Variants in DOCK8 observed in about 807,000 individuals in gnomAD.
The protein encoded by DOCK8 is dedicator of cytokinesis 8.
A neutral mutation model predicts 245.6 loss-of-function variants in DOCK8; 141 were observed. That is an observed-to-expected ratio of 0.57 (90% CI 0.50 to 0.66). The LOEUF is 0.66. Among genes scored for constraint, DOCK8 ranks in the 30% least tolerant of loss-of-function variants. DOCK8 has a pLI of 0.00. For synonymous variants in DOCK8, 1,168 were observed against 970.2 expected, an observed-to-expected ratio of 1.20 and a Z score of -3.79; for missense variants, 2,965 against 2,603.4, an observed-to-expected ratio of 1.14 and a Z score of -3.02.
At chr9:461,284 C>T (rs1218691125) in intron 46 of DOCK8, among the ~76,000 whole-genome samples, 1 of 152,082 alleles carries the variant, frequency 6.6e-6, no homozygotes, top group Non-Finnish European at 1.5e-5. Flanking sequence ...AGAAAATTAC[C>T]AGCTGTTATC....
chr9:212,722 A>G (rs1233002412), upstream of DOCK8: 1 of 152,238 alleles, frequency 6.6e-6, no homozygotes, highest in Non-Finnish European at 1.5e-5. Flanking sequence ...GGTACCAAAT[A>G]CTAAATCTAT....
chr9:426,181 T>C (rs1449133702), intron 33 of DOCK8, among the ~76,000 whole-genome samples: 2 of 152,154 alleles, frequency 1.3e-5, no homozygotes, highest in African/African-American at 2.4e-5. Context: ...AAAAAAACCA[T>C]TCTGATTCCT....
rs1564010005 is a variant in DOCK8 at position 399,269 on chromosome 9, C to CT, written c.3234+10_3234+11insT. 7.5e-7 allele frequency: 1 copy of CT among 1,336,928 alleles called. No homozygotes were observed. The highest frequency in any genetic ancestry group is 1.9e-5 in the Admixed American group (1 of 51,936). The allele number at this position is 1,336,928 out of a possible 1,614,324, so 82.8% of individuals were successfully genotyped here. A position where few individuals can be genotyped will look rare whatever the true frequency, so the allele number is the denominator to read the frequency against. On this transcript the variant is annotated intron_variant, in intron 26 of 47. Coordinates refer to ENST00000432829, the MANE Select transcript of DOCK8 (RefSeq NM_203447.4). ...ACATTATTGCAGCCAGGTGAGTGTC[C>CT]CCCCCACCCCCACCCCCGAGCGAGC...
intron 28 of DOCK8, among the ~76,000 whole-genome samples, chr9:411,787 C>T (rs1161795971): frequency 6.6e-6 from 1 of 152,136 alleles, no homozygotes. Flanking sequence ...GGCTGCATAC[C>T]TGAAAATCAA....
In DOCK8 at chr9:432,217, G is replaced by A; in HGVS notation, c.4678G>A (p.Gly1560Arg). ...AACCATGTCCCTGGCATCTTTGGTG[G>A]GAAGAGCACCAGACTTTAATGAAGA... is the stretch of plus-strand genomic sequence containing the variant. ...QVTMSLASLV[G>R]RAPDFNEEHL... is the part of the protein sequence containing the mutation. The change falls in exon 37 of 48, where the codon GGA (glycine) becomes AGA (arginine). Residue 1560 changes from glycine to arginine, a missense_variant. This residue lies in a region of DOCK8 where 2,825 missense variants were observed against 2,453.5 expected (regional missense o/e 1.15). Transcript: ENST00000432829. 6.2e-7 allele frequency: 1 copy of A among 1,613,604 alleles called. No individual in the cohort carries two copies. The highest frequency in any genetic ancestry group is 2.2e-5 in the East Asian group (1 of 44,832).
intron 1 of DOCK8, among the ~76,000 whole-genome samples, chr9:226,703 G>A (rs1180772709): frequency 6.6e-6 from 1 of 152,188 alleles, no homozygotes; most frequent in African/African-American, 2.4e-5. Flanking sequence ...TGGAGGAGAA[G>A]CAGGCTTTTA....
intron 22 of DOCK8, among the ~76,000 whole-genome samples, chr9:383,688 G>T (rs1357095959): frequency 2.7e-5 from 3 of 112,052 alleles, no homozygotes; most frequent in Non-Finnish European, 5.0e-5. Context: ...CTACAAGAGT[G>T]AGACTCCGTC....
At chr9:421,536 C>A (rs1586984078) in intron 32 of DOCK8, among the ~76,000 whole-genome samples, 1 of 152,172 alleles carries the variant, frequency 6.6e-6, no homozygotes, top group South Asian at 2.1e-4. Context: ...TCAGAGTGTC[C>A]CAGTCATTCA....
chr9:286,343 G>T, intron 2 of DOCK8, 118 bp from the exon 3 acceptor site: 160 of 1,120,158 alleles, frequency 1.4e-4, no homozygotes, highest in East Asian at 2.2e-4. Context: ...TCCGTTTTAT[G>T]CCAGGAGCGA....
chr9:439,038 C>T (rs2056997403), intron 39 of DOCK8, among the ~76,000 whole-genome samples: 1 of 152,100 alleles, frequency 6.6e-6, no homozygotes, highest in African/African-American at 2.4e-5. Context: ...AAAAGAAAAA[C>T]GTGAGGTTTG....
intron 14 of DOCK8, chr9:340,536 G>T: frequency 1.9e-6 from 1 of 540,372 alleles, no homozygotes; most frequent in Admixed American, 2.7e-5. Context: ...CAGGAGAATC[G>T]CTTGAACCCA....
chr9:362,783 CAG>C (rs140236364), intron 14 of DOCK8, among the ~76,000 whole-genome samples: 24,244 of 152,200 alleles, frequency 0.16, 2,342 homozygotes, highest in Middle Eastern at 0.26. Context: ...GAATAATTAA[CAG>C]GGTCCGGTTT....
At chr9:228,567 C>T (rs1380811352) in intron 1 of DOCK8, among the ~76,000 whole-genome samples, 1 of 151,996 alleles carries the variant, frequency 6.6e-6, no homozygotes, top group Non-Finnish European at 1.5e-5. Context: ...TGAATTTTGC[C>T]TCCCCAACAT....
rs758104979 is a variant in DOCK8 at position 340,192 on chromosome 9, A to C, written c.1550A>C (p.Glu517Ala). Residue 517 changes from glutamate (E) to alanine (A), a missense_variant, in exon 14 of 48, where the codon GAG becomes GCG. This residue lies in a region of DOCK8 where 2,825 missense variants were observed against 2,453.5 expected (regional missense o/e 1.15). Coordinates refer to ENST00000432829, the MANE Select transcript of DOCK8 (RefSeq NM_203447.4). ...LLRLEISTAPEIINCCLTPEM... is the reference protein window; with the variant it reads ...LLRLEISTAPAIINCCLTPEM... ...AGACTGGAGATTTCTACAGCTCCAG[A>C]GATCATCAATTGCTGTCTGACTCCT... 3 of 1,614,156 alleles carry C rather than the reference A, an allele frequency of 1.9e-6. No individual in the cohort carries two copies. The South Asian group carries it at 3.3e-5, about 18-fold the overall frequency.
chr9:398,829 C>A (rs1339004190), intron 25 of DOCK8, among the ~76,000 whole-genome samples: 4 of 150,032 alleles, frequency 2.7e-5, no homozygotes, highest in African/African-American at 7.4e-5. Flanking sequence ...AAAAAAGTTA[C>A]CAGGATATAA....
chr9:219,589 A>G (rs567354284), intron 1 of DOCK8, among the ~76,000 whole-genome samples: 1 of 152,254 alleles, frequency 6.6e-6, no homozygotes, highest in Non-Finnish European at 1.5e-5. Context: ...AAAGTTACAT[A>G]AAGATAGCAT....
intron 14 of DOCK8, among the ~76,000 whole-genome samples, chr9:360,717 G>C (rs943880793): frequency 6.6e-6 from 1 of 152,158 alleles, no homozygotes; most frequent in Admixed American, 6.5e-5. Context: ...ATAGATCCTA[G>C]GTGCTGTGTT....
chr9:286,594 C>A lies in DOCK8; in HGVS notation c.290C>A (p.Pro97Gln), dbSNP rs760271664. The A allele has an allele frequency of 1.2e-6, 2 of 1,613,750 alleles. No individual in the cohort carries two copies. Among genetic ancestry groups the A allele is most frequent in the African/African-American group, 2.7e-5 (2 of 74,844 alleles). ...TDDDLDVVFT[P>Q]KECRTLQPSL... ...GACGACTTGGACGTGGTGTTCACGC[C>A]AAAGGAATGTAGGACTTTGCAGCCC... Residue 97 changes from proline (P) to glutamine (Q), a missense_variant, in exon 3 of 48, where the codon CCA becomes CAA. By Grantham distance (76) the Pro-to-Gln change is moderately conservative (BLOSUM62 -1). Around this residue, in one of 3 missense-constraint regions of DOCK8, gnomAD observed 2,825 missense variants for 2,453.5 expected, o/e 1.15. Transcript: ENST00000432829.
At chr9:402,753 C>CT (rs1250863868) in intron 26 of DOCK8, among the ~76,000 whole-genome samples, 2 of 152,226 alleles carry the variant, frequency 1.3e-5, no homozygotes, top group Admixed American at 1.3e-4. Flanking sequence ...CAATTACTGT[C>CT]TGTCACTTAC....
Sources: gnomAD v4.1 joint callset for allele counts (sites outside exome capture counted in the v4.1 genomes callset) on GRCh38, gnomAD v4.1.1 for gene constraint, gnomAD v4.1.1 regional missense constraint, MANE v1.5 for transcripts, NCBI Gene and HGNC (gene_info 2026-07-23, HGNC 2026-07-21) for gene names.